TMTC1: variants seen among roughly 807,000 people sequenced by gnomAD.
The protein encoded by TMTC1 is protein O-mannosyl-transferase TMTC1.
TMTC1 carries 73 observed loss-of-function variants against 104.8 expected under a neutral mutation model. The observed-to-expected ratio is 0.70, with a 90% CI of 0.58 to 0.85. The LOEUF (loss-of-function observed/expected upper bound fraction) is 0.85. Among genes scored for constraint, TMTC1 ranks in the 40% least tolerant of loss-of-function variants. The pLI is 0.00. For synonymous variants in TMTC1, 434 were observed against 428.7 expected (o/e 1.01, Z -0.15); for missense variants, 1,035 against 1,096.1 (o/e 0.94, Z 0.79).
Position 29,783,752 on chromosome 12 carries a change from C to G in TMTC1, c.-1G>C, listed in dbSNP as rs1943895041. On this transcript the variant is annotated 5_prime_UTR_variant, in exon 1 of 18. Coordinates refer to ENST00000539277, the MANE Select transcript of TMTC1 (RefSeq NM_001193451.2). This position sits in a 1 kb window ranked among gnomAD's most constrained non-coding sequence, Gnocchi z 4.7. ...CTCGGGCAGAGGTGGTCACCACCAT[C>G]GCGCCGCCGCCGCCGCTGCTGCCCT... is the stretch of plus-strand genomic sequence containing the variant. 5.2e-6 allele frequency: 6 copies of G among 1,163,352 alleles called. No individual in the cohort carries two copies. Among genetic ancestry groups the G allele is most frequent in the Non-Finnish European group, 6.3e-6 (6 of 947,040 alleles). The allele number at this position is 1,163,352 out of a possible 1,614,324, so 72.1% of individuals were successfully genotyped here.
chr12:29,666,304 T>C (rs1452285855), intron 5 of TMTC1: 1 of 380,796 alleles, frequency 2.6e-6, no homozygotes, highest in Non-Finnish European at 5.0e-6. Context: ...CTCGGCTCAC[T>C]GCAAGCTCCG....
chr12:29,748,071 CTGTTTTT>C lies in TMTC1; in HGVS notation c.938+3588_938+3594del, dbSNP rs533314304. Among the ~76,000 whole-genome samples, 170 of 152,274 alleles carry C rather than the reference CTGTTTTT, an allele frequency of 1.1e-3. 5 individuals carry two copies. Among genetic ancestry groups the C allele is most frequent in the Non-Finnish European group, 1.2e-4 (8 of 68,016 alleles). On this transcript the variant is annotated intron_variant, in intron 5 of 17. Transcript: ENST00000539277. ...CAAATATATACTCAAAGGTATGACA[CTGTTTTT>C]TGTTTTTTGTTTTCCAAAGAGAAAA... is the stretch of plus-strand genomic sequence containing the variant.
At chr12:29,597,247 T>C (rs1278182224) in intron 7 of TMTC1, among the ~76,000 whole-genome samples, 3 of 149,546 alleles carry the variant, frequency 2.0e-5, no homozygotes, top group Non-Finnish European at 3.0e-5. Context: ...TCTTTCTTTT[T>C]TTTTTTTTTT....
intron 5 of TMTC1, among the ~76,000 whole-genome samples, chr12:29,749,303 A>G (rs781352593): frequency 2.6e-5 from 4 of 152,114 alleles, no homozygotes; most frequent in Non-Finnish European, 5.9e-5. Context: ...CCATTTCTTC[A>G]TTGGCAAATT....
intron 5 of TMTC1, among the ~76,000 whole-genome samples, chr12:29,710,325 T>A (rs771164771): frequency 1.3e-5 from 2 of 152,040 alleles, no homozygotes; most frequent in Non-Finnish European, 2.9e-5. Flanking sequence ...CCCAGCTGCA[T>A]GCCAATTAGT....
At chr12:29,670,241 A>C (rs565460714) in intron 5 of TMTC1, among the ~76,000 whole-genome samples, 1 of 152,246 alleles carries the variant, frequency 6.6e-6, no homozygotes, top group Non-Finnish European at 1.5e-5. Flanking sequence ...AGTGAAAAAG[A>C]GTATTTGATA....
rs1373037497 is a variant in TMTC1 at position 29,583,403 on chromosome 12, A to C, written c.1418+4T>G. 3 of 1,613,570 alleles carry C rather than the reference A, an allele frequency of 1.9e-6. No individual in the cohort carries two copies. Among genetic ancestry groups the C allele is most frequent in the South Asian group, 1.1e-5 (1 of 91,052 alleles). ...GATATTTATTTTTATCTGTCTAGTC[A>C]TACCTGAATAGGGACTCTCTTGACA... On this transcript the variant is annotated splice_donor_region_variant and intron_variant, in intron 8 of 17. Transcript: ENST00000539277.
chr12:29,655,289 G>A (rs1329166477), intron 5 of TMTC1, among the ~76,000 whole-genome samples: 1 of 152,150 alleles, frequency 6.6e-6, no homozygotes, highest in Non-Finnish European at 1.5e-5. Flanking sequence ...ACATATACAA[G>A]CTGAATTTAA....
intron 11 of TMTC1, among the ~76,000 whole-genome samples, chr12:29,531,239 C>A (rs1465990485): frequency 6.6e-6 from 1 of 152,068 alleles, no homozygotes. Context: ...GGTCTTCGTC[C>A]AAGTTGACTT....
chr12:29,718,348 T>A lies in TMTC1; in HGVS notation c.938+33318A>T, dbSNP rs75985928. 3.9e-3 allele frequency among the ~76,000 whole-genome samples: 588 copies of A among 152,290 alleles called. 1 individual carries two copies. The highest frequency in any genetic ancestry group is 7.6e-3 in the Non-Finnish European group (514 of 68,028). ...ATAGAAACTCCTATTTTTATTAGTT[T>A]GAAAAATTTAAAGACAGAATCCAGA... On this transcript the variant is annotated intron_variant, in intron 5 of 17. Transcript: ENST00000539277.
intron 5 of TMTC1, among the ~76,000 whole-genome samples, chr12:29,735,947 T>C (rs982989292): frequency 6.6e-6 from 1 of 151,858 alleles, no homozygotes; most frequent in Non-Finnish European, 1.5e-5. Flanking sequence ...ATTTGTAGAG[T>C]CTCCTCGGGT....
chr12:29,511,307 A>C (rs1394958421), intron 17 of TMTC1, among the ~76,000 whole-genome samples: 1 of 151,752 alleles, frequency 6.6e-6, no homozygotes, highest in Non-Finnish European at 1.5e-5. Context: ...CCTTGTATTA[A>C]TATATCTCCT....
intron 6 of TMTC1, among the ~76,000 whole-genome samples, chr12:29,626,101 TACTG>T (rs1186968833): frequency 1.3e-5 from 2 of 152,212 alleles, no homozygotes; most frequent in Non-Finnish European, 2.9e-5. Flanking sequence ...AGATAATAGA[TACTG>T]AGTGGCAAAT....
At chr12:29,625,974 T>C (rs536434284) in intron 6 of TMTC1, among the ~76,000 whole-genome samples, 30 of 152,334 alleles carry the variant, frequency 2.0e-4, no homozygotes, top group African/African-American at 6.3e-4. Flanking sequence ...AAATATTTCA[T>C]GCGGCTGTTG....
chr12:29,501,850 T>A lies in TMTC1; in HGVS notation c.*4996A>T, dbSNP rs1009050461. ...ATCAGCCAATTGATTGTTATAAAGA[T>A]CTTATCAATTCTGTTGTGCCACTTT... On this transcript the variant is annotated 3_prime_UTR_variant, in exon 18 of 18. Coordinates refer to ENST00000539277, the MANE Select transcript of TMTC1 (RefSeq NM_001193451.2). 1 of 152,204 alleles carries A rather than the reference T, an allele frequency of 6.6e-6. No homozygotes were observed. The highest frequency in any genetic ancestry group is 1.9e-4 in the East Asian group (1 of 5,190). 9.4% of individuals were successfully genotyped at this position (152,204 alleles called of 1,614,324 possible).
chr12:29,763,588 T>C (rs1480135960), intron 2 of TMTC1, among the ~76,000 whole-genome samples: 1 of 152,170 alleles, frequency 6.6e-6, no homozygotes, highest in Non-Finnish European at 1.5e-5. Context: ...AAAGAGGGTA[T>C]TAAATAGCAC....
In TMTC1 at chr12:29,500,999, C is replaced by G. The variant is rs1398939760; in HGVS notation, c.*5847G>C. On this transcript the variant is annotated 3_prime_UTR_variant, in exon 18 of 18. Transcript: ENST00000539277. ...AGTAACAAAAATGTACATTTACATA[C>G]AACTGATCCAAACAGGAAGTAAAAG... 1 of 152,508 alleles carries G rather than the reference C, an allele frequency of 6.6e-6. No individual in the cohort carries two copies. Among genetic ancestry groups the G allele is most frequent in the Admixed American group, 6.5e-5 (1 of 15,276 alleles). The allele number at this position is 152,508 out of a possible 1,614,324, so 9.4% of individuals were successfully genotyped here. A position where few individuals can be genotyped will look rare whatever the true frequency, so the allele number is the denominator to read the frequency against.
intron 7 of TMTC1, among the ~76,000 whole-genome samples, chr12:29,594,227 A>G (rs1277833107): frequency 6.6e-6 from 1 of 152,232 alleles, no homozygotes; most frequent in East Asian, 1.9e-4. Flanking sequence ...ACTCTTCTAC[A>G]GCACAGTCAT....
intron 8 of TMTC1, among the ~76,000 whole-genome samples, chr12:29,577,915 C>T (rs1420212791): frequency 6.6e-6 from 1 of 151,998 alleles, no homozygotes; most frequent in East Asian, 1.9e-4. Context: ...TTAGTAATGG[C>T]TTTAATAATC....
Sources: allele counts gnomAD v4.1 joint callset (sites outside exome capture counted in the v4.1 genomes callset), GRCh38; gene constraint gnomAD v4.1.1; non-coding constraint Gnocchi (gnomAD v3.1); transcripts MANE v1.5; gene names NCBI Gene and HGNC (gene_info 2026-07-23, HGNC 2026-07-21).